Variants in ZNF16 observed in about 807,000 individuals in gnomAD.
ZNF16 encodes zinc finger protein KOX9.
In ZNF16, 7 loss-of-function variants were observed where a neutral mutation model predicts 9.0. That is an observed-to-expected ratio of 0.78 (90% CI 0.44 to 1.47). ZNF16 has a LOEUF of 1.47. Ranked by LOEUF, ZNF16 falls within the 40% of genes most tolerant of loss-of-function variation. ZNF16 has a pLI of 0.01. For missense variants in ZNF16, 830 were observed against 854.2 expected (o/e 0.97, Z 0.35); for synonymous variants, 312 against 301.5 (o/e 1.03, Z -0.36).
At chr8:144,935,187 T>C (rs954008060) in intron 2 of ZNF16, among the ~76,000 whole-genome samples, 1 of 145,886 alleles carries the variant, frequency 6.9e-6, no homozygotes, top group Non-Finnish European at 1.5e-5. Flanking sequence ...AAATAAAAAA[T>C]TTTATTTTCC....
rs1168528671 is a variant in ZNF16, at chr8:144,931,180, T to C, written c.1607A>G (p.Gln536Arg). 6.2e-7 allele frequency: 1 copy of C among 1,614,028 alleles called. No individual in the cohort carries two copies. The highest frequency in any genetic ancestry group is 1.7e-5 in the Admixed American group (1 of 60,008). Residue 536 changes from glutamine (Q) to arginine (R), a missense_variant, in exon 3 of 3, where the codon CAG (glutamine) becomes CGG (arginine). By Grantham distance (43) the Gln-to-Arg change is conservative. Coordinates refer to ENST00000394909, the MANE Select transcript of ZNF16 (RefSeq NM_006958.3). The stretch of plus-strand genomic sequence containing the variant: ...GGGCTTCTCTCCAGTGTGGACTCGC[T>C]GGTGAAGGATGAGGTTGGAGCTGCG... ...FGRSSNLILH[Q>R]RVHTGEKPYE...
At chr8:144,946,544 A>C (rs78179484) in intron 1 of ZNF16, among the ~76,000 whole-genome samples, 20,081 of 107,498 alleles carry the variant, frequency 0.19, 1,721 homozygotes, top group East Asian at 0.28. Flanking sequence ...GGGCCTGTGT[A>C]CTGCTGTGGG....
At chr8:144,941,167 G>A (rs889354797) in intron 2 of ZNF16, among the ~76,000 whole-genome samples, 4 of 152,144 alleles carry the variant, frequency 2.6e-5, no homozygotes, top group Admixed American at 6.5e-5. Context: ...TCAAAGTGGA[G>A]TACTGAAGTC....
chr8:144,950,508 G>C (rs534460502), intron 1 of ZNF16: 1 of 152,260 alleles, frequency 6.6e-6, no homozygotes, highest in Non-Finnish European at 1.5e-5. Flanking sequence ...ACCAGCCTGT[G>C]GGCGGAGTCC....
At position 144,932,444 on chromosome 8, in the gene ZNF16, CT is replaced by C; in HGVS notation, c.342del (p.Glu115LysfsTer34). ...PELGDLCDDV[S>X]ERDWGVPEGR... ...CCTTCGGGGACTCCCCAGTCTCTTT[CT>C]GATACATCATCACACAGATCTCCAA... On this transcript the variant is annotated frameshift_variant, in exon 3 of 3. Transcript: ENST00000394909. LOFTEE classifies it low-confidence loss of function (END_TRUNC). The surrounding 1 kb of genome is among the most constrained non-coding windows in gnomAD (Gnocchi z 5.0). 6.2e-7 allele frequency: 1 copy of C among 1,614,214 alleles called. No individual in the cohort carries two copies. The highest frequency in any genetic ancestry group is 8.5e-7 in the Non-Finnish European group (1 of 1,180,042).
intron 2 of ZNF16, among the ~76,000 whole-genome samples, chr8:144,940,637 T>C (rs967860516): frequency 6.6e-6 from 1 of 152,270 alleles, no homozygotes; most frequent in Non-Finnish European, 1.5e-5. Context: ...TTGTGTTACA[T>C]GTACACTTGA....
intron 1 of ZNF16, among the ~76,000 whole-genome samples, chr8:144,946,591 G>GGCC (rs1563925648): frequency 3.0e-5 from 4 of 134,816 alleles, no homozygotes; most frequent in South Asian, 2.5e-4. Context: ...CCTGCTGTGG[G>GGCC]TCTGTATCCT....
At chr8:144,949,788 A>G (rs1164744940) in intron 1 of ZNF16, among the ~76,000 whole-genome samples, 1 of 152,160 alleles carries the variant, frequency 6.6e-6, no homozygotes, top group Non-Finnish European at 1.5e-5. Flanking sequence ...AAAGCCGGGT[A>G]TTGTCCAAGA....
intron 2 of ZNF16, among the ~76,000 whole-genome samples, chr8:144,939,377 G>A (rs527613536): frequency 6.6e-6 from 1 of 152,058 alleles, no homozygotes; most frequent in Non-Finnish European, 1.5e-5. Context: ...GGCCGAGGCG[G>A]GTGGATTGCC....
chr8:144,941,692 G>A (rs1164394861), intron 2 of ZNF16, among the ~76,000 whole-genome samples: 5 of 145,038 alleles, frequency 3.4e-5, no homozygotes, highest in African/African-American at 1.0e-4. Flanking sequence ...AGACAGTCTC[G>A]CTGTCACCCA....
chr8:144,946,533 G>GGGCCCGTGTCCTGCTGT lies in ZNF16; in HGVS notation c.-9-319_-9-318insACAGCAGGACACGGGCC, dbSNP rs1563925447. 3.2e-4 allele frequency among the ~76,000 whole-genome samples: 27 copies of GGGCCCGTGTCCTGCTGT among 85,056 alleles called. 3 individuals are homozygous for GGGCCCGTGTCCTGCTGT. Among genetic ancestry groups the GGGCCCGTGTCCTGCTGT allele is most frequent in the East Asian group, 1.5e-3 (3 of 2,066 alleles). 55.8% of individuals were successfully genotyped at this position (85,056 alleles called of 152,430 possible). A position where few individuals can be genotyped will look rare whatever the true frequency, so the allele number is the denominator to read the frequency against. On this transcript the variant is annotated intron_variant, in intron 1 of 2. Transcript: ENST00000394909. Reference sequence around the variant, plus strand: ...CCCCACAGGGTCTGTGTCCTGCTGTGGGGCCTGTGTACTGCTGTGGGGCCT... The same window carrying GGGCCCGTGTCCTGCTGT: ...CCCCACAGGGTCTGTGTCCTGCTGTGGGCCCGTGTCCTGCTGTGGGCCTGTGTACTGCTGTGGGGCCT...
rs1368489040 is a variant in ZNF16, at chr8:144,946,143, G to A, written c.64C>T (p.Pro22Ser). Residue 22 changes from proline (P) to serine (S), a missense_variant, in exon 2 of 3, where the codon CCC becomes TCC. Pro to Ser is a moderately conservative substitution (Grantham distance 74, BLOSUM62 -1). Transcript: ENST00000394909. Reference sequence around the variant, plus strand: ...CGGGCCTGGGCTGCAGGGGTCCAGGGGGATGGTCCTGGAACTGAGAGCTCC... The same window carrying A: ...CGGGCCTGGGCTGCAGGGGTCCAGGAGGATGGTCCTGGAACTGAGAGCTCC... ...EMELSVPGPS[P>S]WTPAAQARVR... is the part of the protein sequence containing the mutation. The A allele has an allele frequency of 1.3e-6, 2 of 1,589,924 alleles. No homozygotes were observed. Among genetic ancestry groups the A allele is most frequent in the South Asian group, 1.1e-5 (1 of 89,000 alleles).
At chr8:144,942,583 A>C (rs1045872402) in intron 2 of ZNF16, among the ~76,000 whole-genome samples, 3 of 152,114 alleles carry the variant, frequency 2.0e-5, no homozygotes, top group Non-Finnish European at 2.9e-5. Context: ...CCACTGCGTC[A>C]AGCCCATTTT....
At chr8:144,947,195 G>A (rs1380418170) in intron 1 of ZNF16, among the ~76,000 whole-genome samples, 1 of 138,308 alleles carries the variant, frequency 7.2e-6, no homozygotes, top group Non-Finnish European at 1.5e-5. Flanking sequence ...CTGTGGGCCT[G>A]TGTCCTGCTG....
rs1007759105 is a variant in ZNF16, at chr8:144,947,352, T to C, written c.-9-1137A>G. ...TATCCTGCTGTGGGCCTGTGTCCTG[T>C]TGTGGGGCCTGTATCCTGCTGTGGG... is the stretch of plus-strand genomic sequence containing the variant. On this transcript the variant is annotated intron_variant, in intron 1 of 2. Coordinates refer to ENST00000394909, the MANE Select transcript of ZNF16 (RefSeq NM_006958.3). 4.1e-3 allele frequency among the ~76,000 whole-genome samples: 525 copies of C among 128,012 alleles called. 3 individuals are homozygous for C. The highest frequency in any genetic ancestry group is 0.017 in the African/African-American group (483 of 28,038). 84.0% of individuals were successfully genotyped at this position (128,012 alleles called of 152,430 possible).
At chr8:144,934,126 A>T (rs1220603361) in intron 2 of ZNF16, among the ~76,000 whole-genome samples, 1 of 152,104 alleles carries the variant, frequency 6.6e-6, no homozygotes, top group Non-Finnish European at 1.5e-5. Context: ...GTTCCCAAGG[A>T]GCTGTGGTGT....
intron 2 of ZNF16, among the ~76,000 whole-genome samples, chr8:144,939,152 T>A (rs1232194281): frequency 1.3e-5 from 2 of 152,196 alleles, no homozygotes; most frequent in Admixed American, 1.3e-4. Flanking sequence ...TCTCTAGCCA[T>A]AAAGGATATT....
chr8:144,943,552 C>T (rs974440100), intron 2 of ZNF16, among the ~76,000 whole-genome samples: 2 of 151,814 alleles, frequency 1.3e-5, no homozygotes, highest in Non-Finnish European at 1.5e-5. Flanking sequence ...CAGAGTCTCA[C>T]TCCATTACCC....
At chr8:144,938,539 CCTTA>C (rs1367961805) in intron 2 of ZNF16, among the ~76,000 whole-genome samples, 3 of 152,286 alleles carry the variant, frequency 2.0e-5, no homozygotes, top group African/African-American at 7.2e-5. Flanking sequence ...GGAATTCCTT[CCTTA>C]ATTTCCTTTT....
Sources: allele counts gnomAD v4.1 joint callset (sites outside exome capture counted in the v4.1 genomes callset), GRCh38; gene constraint gnomAD v4.1.1; non-coding constraint Gnocchi (gnomAD v3.1); transcripts MANE v1.5; gene names NCBI Gene and HGNC (gene_info 2026-07-23, HGNC 2026-07-21).